GABRG3: variants seen among roughly 807,000 people sequenced by gnomAD.
GABRG3 encodes the protein gamma-aminobutyric acid type A receptor subunit gamma3.
GABRG3 carries 25 observed loss-of-function variants against 48.8 expected under a neutral mutation model. That is an observed-to-expected ratio of 0.51 (90% confidence interval 0.37 to 0.72). GABRG3 has a LOEUF of 0.72. GABRG3 is among the 30% of genes least tolerant of loss of function. The probability of loss-of-function intolerance (pLI) is 0.00; values close to 1 mark genes in which losing one functional copy is unlikely to be tolerated. For missense variants in GABRG3, 394 were observed against 577.9 expected (o/e 0.68, Z 3.26); for synonymous variants, 227 against 217.6 (o/e 1.04, Z -0.38).
At chr15:27,289,534 C>A (rs926905418) in intron 3 of GABRG3, among the ~76,000 whole-genome samples, 1 of 152,166 alleles carries the variant, frequency 6.6e-6, no homozygotes, top group African/African-American at 2.4e-5. Flanking sequence ...TAGCTATCTG[C>A]AAATGAGTGG....
At chr15:27,305,570 TTATA>T (rs1254157159) in intron 3 of GABRG3, among the ~76,000 whole-genome samples, 4 of 144,054 alleles carry the variant, frequency 2.8e-5, no homozygotes, top group African/African-American at 1.0e-4. Context: ...ACCTACGTGT[TTATA>T]TATAAACATA....
chr15:27,116,069 T>G (rs1897636026), intron 3 of GABRG3, among the ~76,000 whole-genome samples: 1 of 152,172 alleles, frequency 6.6e-6, no homozygotes, highest in South Asian at 2.1e-4. Flanking sequence ...TTAAAGAGAT[T>G]CTGGCTAAAC....
intron 3 of GABRG3, among the ~76,000 whole-genome samples, chr15:27,196,824 T>C (rs1352732904): frequency 1.3e-5 from 2 of 152,138 alleles, no homozygotes; most frequent in Non-Finnish European, 2.9e-5. Flanking sequence ...CTCAGGATTG[T>C]TGTGAAGCCT....
In GABRG3 at chr15:26,974,822, T is replaced by C. The variant is rs1894907150; in HGVS notation, c.54-2180T>C. On this transcript the variant is annotated intron_variant, in intron 1 of 9. Transcript: ENST00000615808. This position sits in a 1 kb window ranked among gnomAD's most constrained non-coding sequence, Gnocchi z 4.3. ...TTAACATTTCTGATAATATTTCAGA[T>C]GACACGAAATATTTTTTAAATTTAT... Among the ~76,000 whole-genome samples the C allele has an allele frequency of 1.3e-5, 2 of 149,644 alleles. No homozygotes were observed. Among genetic ancestry groups the C allele is most frequent in the South Asian group, 4.2e-4 (2 of 4,750 alleles).
At chr15:27,066,493 T>C (rs1896739815) in intron 3 of GABRG3, among the ~76,000 whole-genome samples, 1 of 152,208 alleles carries the variant, frequency 6.6e-6, no homozygotes, top group Non-Finnish European at 1.5e-5. Flanking sequence ...GTTGATGCTA[T>C]GATTTTAAAT....
Position 27,019,055 on chromosome 15 carries a change from C to CTTT in GABRG3, c.203-7670_203-7668dup, listed in dbSNP as rs9331868. Among the ~76,000 whole-genome samples, 17 of 42,034 alleles carry CTTT rather than the reference C, an allele frequency of 4.0e-4. 2 individuals carry two copies. The highest frequency in any genetic ancestry group is 3.0e-3 in the East Asian group (3 of 1,006). 27.6% of individuals were successfully genotyped at this position (42,034 alleles called of 152,430 possible). ...CATTGAAGTATTTGTTCCCTAGAGT[C>CTTT]TTTTTTTTTTTTTTTTTTTTTTTTT... On this transcript the variant is annotated intron_variant, in intron 2 of 9. Coordinates refer to ENST00000615808, the MANE Select transcript of GABRG3 (RefSeq NM_033223.5).
intron 5 of GABRG3, among the ~76,000 whole-genome samples, chr15:27,356,484 C>A (rs1894846815): frequency 6.6e-6 from 1 of 152,184 alleles, no homozygotes; most frequent in Admixed American, 6.5e-5. Context: ...TCTCTTCAGA[C>A]TAATCTCCAT....
rs141693308 is a variant in GABRG3 at position 27,398,449 on chromosome 15, G to A, written c.574+69561G>A. On this transcript the variant is annotated intron_variant, in intron 5 of 9. Transcript: ENST00000615808. Reference sequence around the variant, plus strand: ...AAATCACAAATATATGTATTCATACGTGTGTTTTTGTGTGTGCATGTGTGC... The same window carrying A: ...AAATCACAAATATATGTATTCATACATGTGTTTTTGTGTGTGCATGTGTGC... Among the ~76,000 whole-genome samples the A allele has an allele frequency of 9.5e-3, 1,443 of 152,164 alleles. 17 individuals carry two copies. The highest frequency in any genetic ancestry group is 0.032 in the African/African-American group (1,344 of 41,512).
intron 5 of GABRG3, among the ~76,000 whole-genome samples, chr15:27,463,230 A>G (rs1889502252): frequency 6.6e-6 from 1 of 152,210 alleles, no homozygotes; most frequent in Admixed American, 6.5e-5. Flanking sequence ...AGCAAAAGCA[A>G]ACATATGTTC....
chr15:27,331,354 A>G (rs1054241790), intron 5 of GABRG3, among the ~76,000 whole-genome samples: 6 of 152,202 alleles, frequency 3.9e-5, no homozygotes, highest in Non-Finnish European at 7.3e-5. Flanking sequence ...GTCCTTTGGT[A>G]AGAGAATGGA....
At chr15:27,277,911 T>G (rs1455954101) in intron 3 of GABRG3, among the ~76,000 whole-genome samples, 2 of 152,288 alleles carry the variant, frequency 1.3e-5, no homozygotes, top group Middle Eastern at 3.4e-3. Context: ...TTTACCCCAC[T>G]TCCCTCAGGG....
chr15:27,528,641 T>C (rs1416281959), intron 9 of GABRG3, among the ~76,000 whole-genome samples: 2 of 152,160 alleles, frequency 1.3e-5, no homozygotes, highest in Non-Finnish European at 2.9e-5. Context: ...CTGCATTCAG[T>C]TTGGTAGTCA....
chr15:27,410,309 T>A (rs1372535007), intron 5 of GABRG3, among the ~76,000 whole-genome samples: 1 of 152,210 alleles, frequency 6.6e-6, no homozygotes, highest in Non-Finnish European at 1.5e-5. Context: ...TACTATTTTT[T>A]AAAATCATTT....
In GABRG3 at chr15:27,036,411, G is replaced by A. The variant is rs1009565343; in HGVS notation, c.270+9590G>A. ...GTAACGTGTTTCACTTTCAGATGCCGGCCGGGCGCGGTGGCTCATGCCTAT... is the reference window on the plus strand; with the variant it reads ...GTAACGTGTTTCACTTTCAGATGCCAGCCGGGCGCGGTGGCTCATGCCTAT... On this transcript the variant is annotated intron_variant, in intron 3 of 9. Transcript: ENST00000615808. Among the ~76,000 whole-genome samples, 5 of 152,158 alleles carry A rather than the reference G, an allele frequency of 3.3e-5. No individual in the cohort carries two copies. The East Asian group carries it at 5.8e-4, about 18-fold the overall frequency.
At chr15:27,140,628 A>AT (rs1898086427) in intron 3 of GABRG3, among the ~76,000 whole-genome samples, 1 of 151,842 alleles carries the variant, frequency 6.6e-6, no homozygotes, top group Non-Finnish European at 1.5e-5. Context: ...CCCAACTTTA[A>AT]TTTACAAATT....
intron 3 of GABRG3, among the ~76,000 whole-genome samples, chr15:27,298,009 A>G (rs1026957318): frequency 6.6e-6 from 1 of 152,076 alleles, no homozygotes; most frequent in Non-Finnish European, 1.5e-5. Flanking sequence ...AGATCCTCAA[A>G]CGTTACATCA....
chr15:27,214,980 C>A (rs1889198865), intron 3 of GABRG3, among the ~76,000 whole-genome samples: 1 of 152,170 alleles, frequency 6.6e-6, no homozygotes, highest in African/African-American at 2.4e-5. Flanking sequence ...CTATTAGTAT[C>A]GTCGTTGGTA....
intron 5 of GABRG3, among the ~76,000 whole-genome samples, chr15:27,452,943 A>C (rs1442998597): frequency 6.6e-6 from 1 of 152,258 alleles, no homozygotes; most frequent in Non-Finnish European, 1.5e-5. Flanking sequence ...ACACAGACAC[A>C]GGAATACTAT....
rs140069553 is a variant in GABRG3 at position 27,049,861 on chromosome 15, A to C, written c.270+23040A>C. Among the ~76,000 whole-genome samples the C allele has an allele frequency of 2.6e-3, 401 of 152,336 alleles. 3 individuals are homozygous for C. The highest frequency in any genetic ancestry group is 9.0e-3 in the African/African-American group (374 of 41,582). ...AGGTCATATCCACCTGTGTGACAGC[A>C]GGACACCTGTGTGCCCTCCCTGGGC... On this transcript the variant is annotated intron_variant, in intron 3 of 9. Transcript: ENST00000615808.
Sources: allele counts gnomAD v4.1 joint callset (sites outside exome capture counted in the v4.1 genomes callset), GRCh38; gene constraint gnomAD v4.1.1; non-coding constraint Gnocchi (gnomAD v3.1); transcripts MANE v1.5; gene names NCBI Gene and HGNC (gene_info 2026-07-23, HGNC 2026-07-21).